DNAH10: variants seen among roughly 807,000 people sequenced by gnomAD.
DNAH10 encodes the protein axonemal beta dynein heavy chain 10.
In DNAH10, 348 loss-of-function variants were observed where a neutral mutation model predicts 506.6. That is an observed-to-expected ratio of 0.69 (90% CI 0.63 to 0.75). The LOEUF (loss-of-function observed/expected upper bound fraction) is 0.75, where lower values mean the gene tolerates loss of function less well. DNAH10 is among the 30% of genes least tolerant of loss of function. DNAH10 has a pLI of 0.00. For missense variants in DNAH10, 5,179 were observed against 5,787.1 expected, an observed-to-expected ratio of 0.89 and a Z score of 3.41; for synonymous variants, 2,059 against 2,198.6, an observed-to-expected ratio of 0.94 and a Z score of 1.78.
chr12:123,788,869 G>A (rs1448011317), intron 10 of DNAH10, among the ~76,000 whole-genome samples: 2 of 149,952 alleles, frequency 1.3e-5, no homozygotes, highest in Non-Finnish European at 1.5e-5. Flanking sequence ...GAGGCGCAGT[G>A]AGCCGTGGTC....
rs1382553575 is a variant in DNAH10, at chr12:123,762,494, C to T, written c.158C>T (p.Pro53Leu). ...AACCAGGCGAGCGAGGAGGAGGGGC[C>T]CTCGGCGCTCTTCATCTACCGCACT... ...FLNQASEEEGPSALFIYRTMV... is the reference protein window; with the variant it reads ...FLNQASEEEGLSALFIYRTMV... The change falls in exon 1 of 79, where the codon CCC becomes CTC. Residue 53 changes from proline to leucine, a missense_variant. Coordinates refer to ENST00000673944, the MANE Select transcript of DNAH10 (RefSeq NM_001372106.1). This position sits in a 1 kb window ranked among gnomAD's most constrained non-coding sequence, Gnocchi z 5.0. The T allele has an allele frequency of 9.8e-6, 15 of 1,528,836 alleles. No homozygotes were observed. Among genetic ancestry groups the T allele is most frequent in the African/African-American group, 2.8e-5 (2 of 71,166 alleles). The allele number at this position is 1,528,836 out of a possible 1,614,324, so 94.7% of individuals were successfully genotyped here.
intron 77 of DNAH10, 83 bp from the exon 78 acceptor site, chr12:123,934,538 C>T (rs1205888935): frequency 7.8e-6 from 12 of 1,545,978 alleles, no homozygotes; most frequent in Admixed American, 1.9e-5. Flanking sequence ...GCCTGTGTGT[C>T]GCTGTGTGTG....
chr12:123,813,661 A>G (rs748135032), intron 20 of DNAH10, 21 bp downstream of exon 20: 3 of 1,613,162 alleles, frequency 1.9e-6, no homozygotes, highest in African/African-American at 2.7e-5. Flanking sequence ...GCTGTGTGTA[A>G]TTGAAACTAC....
intron 41 of DNAH10, 60 bp downstream of exon 41, chr12:123,866,133 A>G: frequency 2.1e-6 from 3 of 1,447,906 alleles, no homozygotes; most frequent in East Asian, 2.6e-5. Flanking sequence ...GTTGGATAAC[A>G]TAGTCCAGAG....
At position 123,767,703 on chromosome 12, in the gene DNAH10, AG is replaced by A. The variant is rs775615715; in HGVS notation, c.298+18del. 10 of 1,606,100 alleles carry A rather than the reference AG, an allele frequency of 6.2e-6. No homozygotes were observed. The African/African-American group carries it at 1.3e-4, about 21-fold the overall frequency. ...ATAAAGTGCGAGGTGTGGAGTTGGG[AG>A]GGGTCATGGGAGGGTGGAACTGAGA... On this transcript the variant is annotated intron_variant, in intron 2 of 78. Coordinates refer to ENST00000673944, the MANE Select transcript of DNAH10 (RefSeq NM_001372106.1).
At chr12:123,831,675 G>A (rs1387539695) in intron 26 of DNAH10, among the ~76,000 whole-genome samples, 1 of 152,090 alleles carries the variant, frequency 6.6e-6, no homozygotes, top group African/African-American at 2.4e-5. Flanking sequence ...GGTGGATCAC[G>A]AGGTCAGGAG....
rs1325791312 is a variant in DNAH10 at position 123,913,226 on chromosome 12, G to A, written c.10263G>A (p.Lys3421=). 2.5e-6 allele frequency: 4 copies of A among 1,609,794 alleles called. No individual in the cohort carries two copies. The highest frequency in any genetic ancestry group is 1.6e-4 in the Middle Eastern group (1 of 6,062). Residue 3421 remains lysine (K), a synonymous_variant, in exon 60 of 79, where the codon AAG becomes AAA. Transcript: ENST00000673944. The surrounding 1 kb of genome is among the most constrained non-coding windows in gnomAD (Gnocchi z 5.1). The part of the protein sequence containing the change: ...GAKYEAAILE[K]QKLQEEAEIM... Reference sequence around the variant, plus strand: ...AATATGAGGCCGCCATACTGGAAAAGCAGAAGCTGCAGGAAGAAGCCGAGA... The same window carrying A: ...AATATGAGGCCGCCATACTGGAAAAACAGAAGCTGCAGGAAGAAGCCGAGA...
rs772175663 is a variant in DNAH10, at chr12:123,785,225, T to C, written c.1231-521T>C. Among the ~76,000 whole-genome samples, 2 of 152,228 alleles carry C rather than the reference T, an allele frequency of 1.3e-5. No homozygotes were observed. The highest frequency in any genetic ancestry group is 2.4e-5 in the African/African-American group (1 of 41,462). ...GAGCAATACACGAAGGTTCTGGTTT[T>C]TCCGTATCTTCACCACCACTTGTTA... On this transcript the variant is annotated intron_variant, in intron 8 of 78. Transcript: ENST00000673944. This position sits in a 1 kb window ranked among gnomAD's most constrained non-coding sequence, Gnocchi z 4.1.
At chr12:123,820,525 A>G (rs1959279164) in intron 23 of DNAH10, 55 bp from the exon 24 acceptor site, 2 of 1,548,550 alleles carry the variant, frequency 1.3e-6, no homozygotes, top group Non-Finnish European at 1.8e-6. Flanking sequence ...TTCTTATTCA[A>G]TTTTGTACAC....
At position 123,926,658 on chromosome 12, in the gene DNAH10, C is replaced by A; in HGVS notation, c.11943C>A (p.Ile3981=). 1 of 1,613,552 alleles carries A rather than the reference C, an allele frequency of 6.2e-7. No individual in the cohort carries two copies. Among genetic ancestry groups the A allele is most frequent in the Non-Finnish European group, 8.5e-7 (1 of 1,179,694 alleles). Residue 3981 remains isoleucine, a synonymous_variant, in exon 69 of 79, where the codon ATC becomes ATA. Coordinates refer to ENST00000673944, the MANE Select transcript of DNAH10 (RefSeq NM_001372106.1). The surrounding 1 kb of genome is among the most constrained non-coding windows in gnomAD (Gnocchi z 4.1). The part of the protein sequence containing the change: ...MGEKYVQPPM[I]SFEAIFEQST... ...CCAGGTATGTGCAGCCCCCAATGAT[C>A]AGCTTTGAAGCTATTTTTGAGCAGA...
Position 123,925,037 on chromosome 12 carries a change from T to A in DNAH10, c.11767-13T>A, listed in dbSNP as rs1309995677. 1 of 1,613,518 alleles carries A rather than the reference T, an allele frequency of 6.2e-7. No individual in the cohort carries two copies. Among genetic ancestry groups the A allele is most frequent in the Non-Finnish European group, 8.5e-7 (1 of 1,179,528 alleles). ...TGAGTTGACGCACAATGAATATTCT[T>A]TGCTTTTCCCAGTGGTATGACCTGG... On this transcript the variant is annotated splice_polypyrimidine_tract_variant and intron_variant, in intron 67 of 78. Transcript: ENST00000673944. This position sits in a 1 kb window ranked among gnomAD's most constrained non-coding sequence, Gnocchi z 4.0.
Position 123,787,899 on chromosome 12 carries a change from A to G in DNAH10, c.1517A>G (p.Glu506Gly). 5 of 1,613,098 alleles carry G rather than the reference A, an allele frequency of 3.1e-6. No homozygotes were observed. Among genetic ancestry groups the G allele is most frequent in the Non-Finnish European group, 4.2e-6 (5 of 1,179,606 alleles). Residue 506 changes from glutamate to glycine, a missense_variant, in exon 10 of 79, where the codon GAG (glutamate) becomes GGG (glycine). Physicochemically the swap from Glu to Gly is moderately conservative, Grantham distance 98. Coordinates refer to ENST00000673944, the MANE Select transcript of DNAH10 (RefSeq NM_001372106.1). The surrounding 1 kb of genome is among the most constrained non-coding windows in gnomAD (Gnocchi z 4.6). The part of the protein sequence containing the change: ...KAYFDTRAKI[E>G]ASGREDRWEF... ...TATTTTGACACCCGGGCCAAGATAG[A>G]GGCTTCGGGGAGGGAAGATCGGTGG...
chr12:123,849,011 T>C, intron 34 of DNAH10, 129 bp downstream of exon 34: 1 of 1,190,104 alleles, frequency 8.4e-7, no homozygotes, highest in Non-Finnish European at 1.2e-6. Context: ...GAAGATCTGT[T>C]GGTTTTTCCA....
intron 25 of DNAH10, 148 bp from the exon 26 acceptor site, chr12:123,830,398 G>A (rs1960416074): frequency 1.1e-6 from 1 of 948,410 alleles, no homozygotes; most frequent in Non-Finnish European, 1.5e-6. Flanking sequence ...AGAACTTTGG[G>A]AATATATTTC....
rs761645268 is a variant in DNAH10, at chr12:123,935,432, T to C, written c.13721T>C (p.Ile4574Thr). The change falls in exon 79 of 79, where the codon ATT becomes ACT. Residue 4574 changes from isoleucine to threonine, a missense_variant. Around this residue, in one of 3 missense-constraint regions of DNAH10, gnomAD observed 4,844 missense variants for 5,430.5 expected, o/e 0.89. Transcript: ENST00000673944. ...FEADLFTTRH[I>T]SHWVLQGVCL... Reference sequence around the variant, plus strand: ...GCTGATCTCTTTACCACGAGGCACATTTCTCACTGGGTGCTGCAAGGAGTA... The same window carrying C: ...GCTGATCTCTTTACCACGAGGCACACTTCTCACTGGGTGCTGCAAGGAGTA... 1 of 1,609,296 alleles carries C rather than the reference T, an allele frequency of 6.2e-7. No homozygotes were observed. Among genetic ancestry groups the C allele is most frequent in the South Asian group, 1.1e-5 (1 of 90,948 alleles).
In DNAH10 at chr12:123,916,696, C is replaced by T; in HGVS notation, c.10962C>T (p.Ser3654=). 1 of 1,613,514 alleles carries T rather than the reference C, an allele frequency of 6.2e-7. No individual in the cohort carries two copies. Residue 3654 remains serine, a synonymous_variant, in exon 63 of 79, where the codon TCC becomes TCT. Coordinates refer to ENST00000673944, the MANE Select transcript of DNAH10 (RefSeq NM_001372106.1). The surrounding 1 kb of genome is among the most constrained non-coding windows in gnomAD (Gnocchi z 4.6). ...CCAAGCTGGCCAATCCCAGATATTC[C>T]CCATCCGTGTTTGGGAAAGCTATGG... is the stretch of plus-strand genomic sequence containing the variant. The part of the protein sequence containing the change: ...LNTKLANPRY[S]PSVFGKAMVI...
chr12:123,839,662 ATTTT>A (rs34822711), intron 29 of DNAH10, among the ~76,000 whole-genome samples: 2 of 114,822 alleles, frequency 1.7e-5, no homozygotes, highest in Non-Finnish European at 1.7e-5. Context: ...TTTCTTTTCT[ATTTT>A]TTTTTTTTTT....
At chr12:123,816,118 A>G (rs551171140) in intron 21 of DNAH10, among the ~76,000 whole-genome samples, 5 of 152,172 alleles carry the variant, frequency 3.3e-5, no homozygotes, top group African/African-American at 1.2e-4. Flanking sequence ...GGTCACAGGA[A>G]CATCTTTTGT....
At chr12:123,827,102 A>G (rs985201431) in intron 25 of DNAH10, among the ~76,000 whole-genome samples, 1 of 147,412 alleles carries the variant, frequency 6.8e-6, no homozygotes, top group African/African-American at 2.6e-5. Flanking sequence ...GGATTCTTTT[A>G]AAAAAGAAAG....
Sources: gnomAD v4.1 joint callset for allele counts (sites outside exome capture counted in the v4.1 genomes callset) on GRCh38, gnomAD v4.1.1 for gene constraint, gnomAD v4.1.1 regional missense constraint, Gnocchi (gnomAD v3.1) non-coding constraint, MANE v1.5 for transcripts, NCBI Gene and HGNC (gene_info 2026-07-23, HGNC 2026-07-21) for gene names.